The following SPAST variants were observed in gnomAD, a reference collection of about 807,000 sequenced individuals.
The protein encoded by SPAST is spastin.
SPAST carries 30 observed loss-of-function variants against 76.6 expected under a neutral mutation model. The observed-to-expected ratio is 0.39, with a 90% CI of 0.29 to 0.53. The LOEUF is 0.53. Ranked by LOEUF, SPAST falls within the 20% of genes least tolerant of loss-of-function variation. The pLI is 0.68. For missense variants in SPAST, 717 were observed against 770.5 expected (o/e 0.93, Z 0.82); for synonymous variants, 305 against 281.0 (o/e 1.09, Z -0.86).
rs923874611 is a variant in SPAST at position 32,126,876 on chromosome 2, C to CT, written c.1099-67dup. 5 of 1,023,264 alleles carry CT rather than the reference C, an allele frequency of 4.9e-6. No individual in the cohort carries two copies. In the African/African-American group the frequency reaches 6.4e-5, roughly 13 times the overall value. 63.4% of individuals were successfully genotyped at this position (1,023,264 alleles called of 1,614,324 possible). ...GGAAGATGCTACTGAAAAAAGGATG[C>CT]TTTTTAGATGGCAAAGAGTACTTAA... On this transcript the variant is annotated intron_variant, in intron 7 of 16. Coordinates refer to ENST00000315285, the MANE Select transcript of SPAST (RefSeq NM_014946.4).
intron 3 of SPAST, among the ~76,000 whole-genome samples, chr2:32,093,821 A>G (rs1315792354): frequency 1.3e-5 from 2 of 150,490 alleles, no homozygotes; most frequent in South Asian, 2.1e-4. Context: ...TCTTAAAAAT[A>G]TATATATATA....
chr2:32,142,475 C>T (rs1043893757), intron 13 of SPAST, among the ~76,000 whole-genome samples: 1 of 151,996 alleles, frequency 6.6e-6, no homozygotes, highest in Non-Finnish European at 1.5e-5. Context: ...AGTGCAGTGG[C>T]GTGATCTCGG....
intron 1 of SPAST, among the ~76,000 whole-genome samples, chr2:32,076,179 G>A (rs774612348): frequency 1.3e-5 from 2 of 152,062 alleles, no homozygotes; most frequent in Non-Finnish European, 2.9e-5. Context: ...AGGATTATAG[G>A]CGTGAGTCGC....
intron 1 of SPAST, among the ~76,000 whole-genome samples, chr2:32,085,978 G>T (rs1263626248): frequency 1.3e-5 from 2 of 151,966 alleles, no homozygotes; most frequent in Admixed American, 1.3e-4. Flanking sequence ...GGAGTCGGAG[G>T]TTGCAGTGAA....
chr2:32,144,773 C>T (rs1440656883), intron 14 of SPAST, among the ~76,000 whole-genome samples, 164 bp from the exon 15 acceptor site: 1 of 152,086 alleles, frequency 6.6e-6, no homozygotes, highest in Non-Finnish European at 1.5e-5. Flanking sequence ...CCTATAATCC[C>T]AGCTACCTGA....
intron 4 of SPAST, among the ~76,000 whole-genome samples, chr2:32,106,836 C>T (rs1045969000): frequency 8.6e-5 from 13 of 151,276 alleles, no homozygotes; most frequent in African/African-American, 3.2e-4. Flanking sequence ...AGTATTTTGC[C>T]TGTTTCTTTT....
intron 1 of SPAST, among the ~76,000 whole-genome samples, chr2:32,071,090 T>A (rs1676730783): frequency 6.6e-6 from 1 of 152,208 alleles, no homozygotes; most frequent in African/African-American, 2.4e-5. Context: ...TCTTTGGATT[T>A]ACTAGAACAT....
At chr2:32,152,750 T>G (rs986649654) in intron 16 of SPAST, among the ~76,000 whole-genome samples, 62 of 151,276 alleles carry the variant, frequency 4.1e-4, no homozygotes, top group African/African-American at 1.5e-3. Context: ...GCTGGGTTTT[T>G]GGGGTTTTTT....
Position 32,154,500 on chromosome 2 carries a change from A to G in SPAST, c.*4A>G. 2 of 1,613,826 alleles carry G rather than the reference A, an allele frequency of 1.2e-6. No individual in the cohort carries two copies. The highest frequency in any genetic ancestry group is 1.7e-6 in the Non-Finnish European group (2 of 1,179,770). On this transcript the variant is annotated 3_prime_UTR_variant, in exon 17 of 17. Transcript: ENST00000315285. ...CTTTGGAGATACCACTGTTTAAGGA[A>G]ATACCTTTGTAAACCTGCAGAACAT...
chr2:32,091,226 T>A (rs903865920), intron 3 of SPAST, among the ~76,000 whole-genome samples: 1 of 147,496 alleles, frequency 6.8e-6, no homozygotes. Flanking sequence ...GTCTTTTTTA[T>A]CTAATTTGTA....
rs1677586572 is a variant in SPAST at position 32,088,595 on chromosome 2, G to C, written c.503-927G>C. 2.0e-5 allele frequency among the ~76,000 whole-genome samples: 3 copies of C among 152,188 alleles called. No homozygotes were observed. In the South Asian group the frequency reaches 6.2e-4, roughly 32 times the overall value. ...GGAGGCGGAGGTTGTGGTAAGCCAA[G>C]ATCGCGCCATTGCACTCCAGCCTGG... On this transcript the variant is annotated intron_variant, in intron 2 of 16. Transcript: ENST00000315285.
intron 4 of SPAST, among the ~76,000 whole-genome samples, chr2:32,102,897 T>A (rs1242980729): frequency 6.6e-6 from 1 of 152,232 alleles, no homozygotes; most frequent in Non-Finnish European, 1.5e-5. Context: ...GATTTTTGCG[T>A]TGATGTTCAT....
rs577586915 is a variant in SPAST, at chr2:32,114,509, T to C, written c.683-129T>C. 22 of 749,680 alleles carry C rather than the reference T, an allele frequency of 2.9e-5. No individual in the cohort carries two copies. In the East Asian group the frequency reaches 5.1e-4, roughly 17 times the overall value. 46.4% of individuals were successfully genotyped at this position (749,680 alleles called of 1,614,324 possible). A position where few individuals can be genotyped will look rare whatever the true frequency, so the allele number is the denominator to read the frequency against. On this transcript the variant is annotated intron_variant, in intron 4 of 16. Coordinates refer to ENST00000315285, the MANE Select transcript of SPAST (RefSeq NM_014946.4). ...ATGAAGATCCTGGTACATGTTCTCA[T>C]TGAAATCTTATTTTGAAATATTTTT...
intron 1 of SPAST, among the ~76,000 whole-genome samples, chr2:32,073,530 G>A (rs185416663): frequency 3.3e-5 from 5 of 151,972 alleles, no homozygotes; most frequent in South Asian, 4.2e-4. Flanking sequence ...GGGTCTTGCC[G>A]TATTGCCCAG....
intron 7 of SPAST, among the ~76,000 whole-genome samples, chr2:32,118,983 A>G (rs924717126): frequency 6.6e-6 from 1 of 152,198 alleles, no homozygotes; most frequent in African/African-American, 2.4e-5. Flanking sequence ...TTAAGAAGCT[A>G]TAATAATGTA....
intron 1 of SPAST, among the ~76,000 whole-genome samples, chr2:32,081,781 C>CAAAAGAAAAAAAAAA (rs1677233244): frequency 2.3e-5 from 1 of 44,382 alleles, no homozygotes; most frequent in Admixed American, 3.8e-4. Flanking sequence ...GAGACACTGT[C>CAAAAGAAAAAAAAAA]AAAAAAAAAA....
At chr2:32,070,120 CAGTGGCGCAAT>C (rs1200396847) in intron 1 of SPAST, among the ~76,000 whole-genome samples, 3 of 149,642 alleles carry the variant, frequency 2.0e-5, no homozygotes, top group Non-Finnish European at 4.4e-5. Flanking sequence ...CGCTGGAGTG[CAGTGGCGCAAT>C]CTCGGTTCAC....
chr2:32,077,964 GT>G (rs371044940), intron 1 of SPAST: 17 of 119,850 alleles, frequency 1.4e-4, no homozygotes, highest in Non-Finnish European at 1.4e-4. Flanking sequence ...CCCCATTTCT[GT>G]TTTTTTTTTT....
chr2:32,148,267 A>G (rs989176309), intron 16 of SPAST, among the ~76,000 whole-genome samples: 1 of 152,058 alleles, frequency 6.6e-6, no homozygotes, highest in Non-Finnish European at 1.5e-5. Context: ...ACTTTGCTTC[A>G]TTTCAAAATA....
Sources: gnomAD v4.1 joint callset for allele counts (sites outside exome capture counted in the v4.1 genomes callset) on GRCh38, gnomAD v4.1.1 for gene constraint, MANE v1.5 for transcripts, NCBI Gene and HGNC (gene_info 2026-07-23, HGNC 2026-07-21) for gene names.